The following SETBP1 variants were observed in gnomAD, a reference collection of about 807,000 sequenced individuals.
SETBP1 encodes SET binding protein 1, also known as SET-binding protein.
SETBP1 carries 9 observed loss-of-function variants against 101.0 expected under a neutral mutation model. That is an observed-to-expected ratio of 0.09 (90% CI 0.05 to 0.16). The LOEUF is 0.16. SETBP1 is among the 10% of genes least tolerant of loss of function. The pLI is 1.00. For synonymous variants in SETBP1, 818 were observed against 788.5 expected (o/e 1.04, Z -0.63); for missense variants, 1,858 against 2,033.8 (o/e 0.91, Z 1.66).
At chr18:44,995,284 GGCAC>G (rs2072468771) in intron 4 of SETBP1, among the ~76,000 whole-genome samples, 1 of 151,792 alleles carries the variant, frequency 6.6e-6, no homozygotes. Context: ...TGGGACTACA[GGCAC>G]CTGCCACCAT....
At chr18:44,747,666 G>C (rs2070287853) in intron 2 of SETBP1, among the ~76,000 whole-genome samples, 2 of 152,252 alleles carry the variant, frequency 1.3e-5, no homozygotes, top group Non-Finnish European at 2.9e-5. Flanking sequence ...ACAATATGCA[G>C]TCTGTGTAAC....
rs533271224 is a variant in SETBP1, at chr18:44,748,911, A to C, written c.486+47079A>C. On this transcript the variant is annotated intron_variant, in intron 2 of 5. Coordinates refer to ENST00000649279, the MANE Select transcript of SETBP1 (RefSeq NM_015559.3). ...CGCAGACAGGTGAAGAGAGGTGGTAAGCAAAAGTCTCCCAGGGGCTGCTGC... is the reference window on the plus strand; with the variant it reads ...CGCAGACAGGTGAAGAGAGGTGGTACGCAAAAGTCTCCCAGGGGCTGCTGC... Among the ~76,000 whole-genome samples, 5 of 152,292 alleles carry C rather than the reference A, an allele frequency of 3.3e-5. No homozygotes were observed. In the South Asian group the frequency reaches 1.0e-3, roughly 32 times the overall value.
At chr18:44,729,491 C>T (rs868436905) in intron 2 of SETBP1, among the ~76,000 whole-genome samples, 6 of 152,244 alleles carry the variant, frequency 3.9e-5, no homozygotes, top group Non-Finnish European at 5.9e-5. Flanking sequence ...AATGAGAAGG[C>T]GGAATTTAAG....
chr18:44,981,692 A>C (rs1042295210), intron 4 of SETBP1, among the ~76,000 whole-genome samples: 5 of 152,230 alleles, frequency 3.3e-5, no homozygotes, highest in Admixed American at 6.5e-5. Context: ...CCACTCAGTG[A>C]ATCTACATCG....
chr18:44,851,331 G>A (rs1048062416), intron 2 of SETBP1, among the ~76,000 whole-genome samples: 4 of 152,174 alleles, frequency 2.6e-5, no homozygotes, highest in Admixed American at 6.5e-5. Flanking sequence ...TTGGCACAGA[G>A]AAGTGGGATA....
At chr18:44,977,636 ATGT>A (rs1211531397) in intron 4 of SETBP1, among the ~76,000 whole-genome samples, 1 of 152,210 alleles carries the variant, frequency 6.6e-6, no homozygotes, top group African/African-American at 2.4e-5. Context: ...TGTGCTTCTT[ATGT>A]TTCCTTGGTA....
At chr18:45,032,746 C>A (rs2073323462) in intron 4 of SETBP1, among the ~76,000 whole-genome samples, 2 of 152,072 alleles carry the variant, frequency 1.3e-5, no homozygotes, top group South Asian at 4.1e-4. Context: ...CCAAAGGTGC[C>A]CTCTCTTTAC....
chr18:44,926,904 AG>A (rs1417588500), intron 3 of SETBP1, among the ~76,000 whole-genome samples: 2 of 152,150 alleles, frequency 1.3e-5, no homozygotes, highest in South Asian at 4.1e-4. Flanking sequence ...GAGGTTCTAT[AG>A]GTAAGAAAGA....
chr18:44,749,248 A>G (rs925285790), intron 2 of SETBP1, among the ~76,000 whole-genome samples: 1 of 152,204 alleles, frequency 6.6e-6, no homozygotes, highest in African/African-American at 2.4e-5. Flanking sequence ...TGGGGAGTTA[A>G]TAATTGGACC....
At chr18:44,998,109 T>C (rs1481447348) in intron 4 of SETBP1, among the ~76,000 whole-genome samples, 1 of 152,196 alleles carries the variant, frequency 6.6e-6, no homozygotes, top group Non-Finnish European at 1.5e-5. Context: ...ACCGTTACAG[T>C]TCTTTGGGGC....
intron 2 of SETBP1, among the ~76,000 whole-genome samples, chr18:44,782,338 T>C (rs1201782419): frequency 6.6e-6 from 1 of 151,932 alleles, no homozygotes; most frequent in Non-Finnish European, 1.5e-5. Context: ...AAAAGAAATG[T>C]ATTTTTTGCT....
intron 4 of SETBP1, among the ~76,000 whole-genome samples, chr18:44,971,046 C>A (rs1442280040): frequency 6.6e-6 from 1 of 151,076 alleles, no homozygotes; most frequent in Non-Finnish European, 1.5e-5. Context: ...CCACAACAGG[C>A]CCCAGTGTGT....
chr18:44,882,339 T>C (rs2069548138), intron 3 of SETBP1, among the ~76,000 whole-genome samples: 1 of 152,090 alleles, frequency 6.6e-6, no homozygotes, highest in South Asian at 2.1e-4. Flanking sequence ...TTGGTCAGGC[T>C]GACAGCTCAA....
Position 44,804,706 on chromosome 18 carries a change from G to A in SETBP1, c.487-64524G>A, listed in dbSNP as rs533658463. The stretch of plus-strand genomic sequence containing the variant: ...ATAAATATGGTTCAACTTGCCCCAA[G>A]CACACAAACAGAGAACTTGAGTATT... On this transcript the variant is annotated intron_variant, in intron 2 of 5. Coordinates refer to ENST00000649279, the MANE Select transcript of SETBP1 (RefSeq NM_015559.3). 3.9e-5 allele frequency among the ~76,000 whole-genome samples: 6 copies of A among 152,248 alleles called. No homozygotes were observed. The East Asian group carries it at 5.8e-4, about 15-fold the overall frequency.
Position 44,808,322 on chromosome 18 carries a change from C to T in SETBP1, c.487-60908C>T, listed in dbSNP as rs149702797. ...TTCTTTGTTTGCCTCTCCACTAGCC[C>T]CTGAGCATCCACAGCAGAACCCATC... On this transcript the variant is annotated intron_variant, in intron 2 of 5. Coordinates refer to ENST00000649279, the MANE Select transcript of SETBP1 (RefSeq NM_015559.3). Among the ~76,000 whole-genome samples, 767 of 152,278 alleles carry T rather than the reference C, an allele frequency of 5.0e-3. 4 individuals are homozygous for T. Among genetic ancestry groups the T allele is most frequent in the African/African-American group, 0.018 (743 of 41,562 alleles).
intron 2 of SETBP1, among the ~76,000 whole-genome samples, chr18:44,794,425 C>T (rs745766542): frequency 3.9e-5 from 6 of 152,002 alleles, no homozygotes; most frequent in African/African-American, 7.3e-5. Context: ...GTACTGGAGT[C>T]GGAAAGAGCA....
chr18:44,976,103 C>T (rs1382789354), intron 4 of SETBP1, among the ~76,000 whole-genome samples: 1 of 151,920 alleles, frequency 6.6e-6, no homozygotes, highest in African/African-American at 2.4e-5. Flanking sequence ...CACACACACA[C>T]ACACACACAC....
intron 2 of SETBP1, among the ~76,000 whole-genome samples, chr18:44,763,344 G>A (rs767491147): frequency 1.3e-5 from 2 of 152,194 alleles, no homozygotes; most frequent in Non-Finnish European, 2.9e-5. Flanking sequence ...GCATAGAATC[G>A]AAGGAAATAA....
intron 2 of SETBP1, among the ~76,000 whole-genome samples, chr18:44,741,617 T>G (rs1468775758): frequency 6.6e-6 from 1 of 150,504 alleles, no homozygotes; most frequent in African/African-American, 2.4e-5. Context: ...CCCAACATAT[T>G]GGGTATAAGA....
Sources: allele counts gnomAD v4.1 joint callset (sites outside exome capture counted in the v4.1 genomes callset), GRCh38; gene constraint gnomAD v4.1.1; transcripts MANE v1.5; gene names NCBI Gene and HGNC (gene_info 2026-07-23, HGNC 2026-07-21).